The following DROSHA variants were observed in gnomAD, a reference collection of about 807,000 sequenced individuals.
The protein encoded by DROSHA is drosha ribonuclease III.
A neutral mutation model predicts 181.9 loss-of-function variants in DROSHA; 56 were observed. That is an observed-to-expected ratio of 0.31 (90% CI 0.25 to 0.38). DROSHA has a LOEUF of 0.38. DROSHA is among the 10% of genes least tolerant of loss of function. The probability of loss-of-function intolerance (pLI) is 1.00; values close to 1 mark genes in which losing one functional copy is unlikely to be tolerated. For synonymous variants in DROSHA, 524 were observed against 591.2 expected (o/e 0.89, Z 1.65); for missense variants, 1,218 against 1,743.5 (o/e 0.70, Z 5.37).
rs150440918 is a variant in DROSHA at position 31,417,435 on chromosome 5, T to C, written c.3525+3837A>G. On this transcript the variant is annotated intron_variant, in intron 30 of 35. Transcript: ENST00000344624. ...TAATCCGGCTTCTCTTTAAAAATGA[T>C]CCCTCTAGATGTGCTGAAAATTGAC... Among the ~76,000 whole-genome samples, 759 of 152,248 alleles carry C rather than the reference T, an allele frequency of 5.0e-3. 8 individuals carry two copies. Among genetic ancestry groups the C allele is most frequent in the African/African-American group, 0.017 (726 of 41,534 alleles).
At chr5:31,421,872 A>AG in intron 29 of DROSHA, 1 of 61,550 alleles carries the variant, frequency 1.6e-5, no homozygotes, top group East Asian at 1.1e-3. Flanking sequence ...CCATCTCTAC[A>AG]AAAAAAAAAA....
Position 31,515,133 on chromosome 5 carries a change from T to C in DROSHA, c.1145A>G (p.Lys382Arg). Residue 382 changes from lysine (K) to arginine (R), a missense_variant, in exon 8 of 36, where the codon AAG becomes AGG. By Grantham distance (26) the Lys-to-Arg change is conservative. This residue lies in a region of DROSHA where 536 missense variants were observed against 535.4 expected (regional missense o/e 1.00). Coordinates refer to ENST00000344624, the MANE Select transcript of DROSHA (RefSeq NM_001382508.1). ...WSDNQSSGKD[K>R]NYTSIKEKEP... Reference sequence around the variant, plus strand: ...TTTTTCCTTGATTGAGGTATAGTTCTTGTCTTTGCCAGAACTCTGGTTGTC... The same window carrying C: ...TTTTTCCTTGATTGAGGTATAGTTCCTGTCTTTGCCAGAACTCTGGTTGTC... 6.2e-7 allele frequency: 1 copy of C among 1,614,016 alleles called. No individual in the cohort carries two copies. The highest frequency in any genetic ancestry group is 8.5e-7 in the Non-Finnish European group (1 of 1,179,896).
At chr5:31,432,341 AG>A (rs1744281872) in intron 25 of DROSHA, among the ~76,000 whole-genome samples, 1 of 152,138 alleles carries the variant, frequency 6.6e-6, no homozygotes, top group Non-Finnish European at 1.5e-5. Context: ...CATGTTGGCC[AG>A]GCTGGTCTCA....
chr5:31,524,017 A>G (rs574963395), intron 5 of DROSHA, among the ~76,000 whole-genome samples: 1 of 151,088 alleles, frequency 6.6e-6, no homozygotes, highest in African/African-American at 2.4e-5. Context: ...AAACTATCAC[A>G]TGCCTATGCC....
intron 14 of DROSHA, among the ~76,000 whole-genome samples, chr5:31,485,538 C>T (rs772944454): frequency 1.3e-5 from 2 of 150,270 alleles, no homozygotes; most frequent in South Asian, 2.1e-4. Flanking sequence ...TTGTTTTGCT[C>T]GGAGTTCATA....
Position 31,495,369 on chromosome 5 carries a change from T to G in DROSHA, c.1672A>C (p.Ile558Leu). The change falls in exon 12 of 36, where the codon ATC becomes CTC. Residue 558 changes from isoleucine (I) to leucine (L), a missense_variant. By Grantham distance (5) the Ile-to-Leu change is conservative. This residue lies in a region of DROSHA where 460 missense variants were observed against 774.2 expected (regional missense o/e 0.59). Coordinates refer to ENST00000344624, the MANE Select transcript of DROSHA (RefSeq NM_001382508.1). ...TTGGTCATAGGACGACAGGGCTTGA[T>G]GGCCTGAGGGGAAAAAAACGAAAAT... Reference protein sequence around the residue: ...RHSIYPGEEAIKPCRPMTNNA... With the variant: ...RHSIYPGEEALKPCRPMTNNA... 6.2e-7 allele frequency: 1 copy of G among 1,612,976 alleles called. No individual in the cohort carries two copies. Among genetic ancestry groups the G allele is most frequent in the East Asian group, 2.2e-5 (1 of 44,872 alleles).
At position 31,526,489 on chromosome 5, in the gene DROSHA, A is replaced by T; in HGVS notation, c.444T>A (p.Pro148=). The T allele has an allele frequency of 2.9e-6, 4 of 1,380,208 alleles. No individual in the cohort carries two copies. Among genetic ancestry groups the T allele is most frequent in the Non-Finnish European group, 4.0e-6 (4 of 1,002,374 alleles). 85.5% of individuals were successfully genotyped at this position (1,380,208 alleles called of 1,614,324 possible). ...GGGGCGGGGGATGAGGCATGGAGGG[A>T]GGGGGCATCATGAAGGGGAAAGTGC... ...GQGTFPFMMP[P]PSMPHPPPPP... The change falls in exon 5 of 36, where the codon CCT becomes CCA. Residue 148 remains proline, a synonymous_variant. Coordinates refer to ENST00000344624, the MANE Select transcript of DROSHA (RefSeq NM_001382508.1).
At chr5:31,511,324 C>T in intron 8 of DROSHA, 148 bp from the exon 9 acceptor site, 1 of 757,838 alleles carries the variant, frequency 1.3e-6, no homozygotes, top group East Asian at 2.7e-5. Context: ...AAACAAAATG[C>T]TCAAGTACTG....
intron 26 of DROSHA, 141 bp downstream of exon 26, chr5:31,431,435 A>C: frequency 1.6e-6 from 1 of 617,844 alleles, no homozygotes. Flanking sequence ...CTATAATATA[A>C]GGTGGTAGGT....
chr5:31,530,691 T>C, intron 3 of DROSHA, 107 bp downstream of exon 3: 1 of 340,744 alleles, frequency 2.9e-6, no homozygotes, highest in Non-Finnish European at 5.3e-6. Flanking sequence ...TTTCTATCCA[T>C]CTATCAATCT....
chr5:31,423,764 A>G (rs1743080948), intron 28 of DROSHA, among the ~76,000 whole-genome samples: 2 of 114,652 alleles, frequency 1.7e-5, no homozygotes, highest in South Asian at 2.8e-4. Context: ...AAAAATAAGT[A>G]TATGAGGATA....
At chr5:31,451,942 A>G (rs923905246) in intron 20 of DROSHA, among the ~76,000 whole-genome samples, 1 of 152,214 alleles carries the variant, frequency 6.6e-6, no homozygotes, top group Non-Finnish European at 1.5e-5. Flanking sequence ...CACAATGAGA[A>G]TAATAAATAT....
chr5:31,495,176 A>G, intron 12 of DROSHA, 110 bp downstream of exon 12: 1 of 1,252,260 alleles, frequency 8.0e-7, no homozygotes, highest in Non-Finnish European at 1.1e-6. Context: ...TAAAAATAAA[A>G]TATTTTTCAA....
chr5:31,525,046 T>C (rs1740354141), intron 5 of DROSHA, among the ~76,000 whole-genome samples: 1 of 151,234 alleles, frequency 6.6e-6, no homozygotes. Flanking sequence ...AATACAAAAA[T>C]TAGGCCAGGC....
intron 19 of DROSHA, 108 bp from the exon 20 acceptor site, chr5:31,464,451 T>C (rs947062480): frequency 6.5e-6 from 6 of 925,832 alleles, no homozygotes; most frequent in South Asian, 1.6e-5. Context: ...TACCCCTACA[T>C]TCAGATACTC....
chr5:31,471,422 T>A (rs986227959), intron 17 of DROSHA, among the ~76,000 whole-genome samples: 2 of 152,146 alleles, frequency 1.3e-5, no homozygotes, highest in African/African-American at 4.8e-5. Flanking sequence ...AAATGTTATG[T>A]CTTTATATAA....
Position 31,437,308 on chromosome 5 carries a change from G to T in DROSHA, c.2883-10C>A. The stretch of plus-strand genomic sequence containing the variant: ...TTCATTGTGGTTAATCCTACAATAG[G>T]AATTAAAAAGGTTACTTAATACAGC... On this transcript the variant is annotated splice_polypyrimidine_tract_variant and intron_variant, in intron 23 of 35. Coordinates refer to ENST00000344624, the MANE Select transcript of DROSHA (RefSeq NM_001382508.1). 6.4e-7 allele frequency: 1 copy of T among 1,562,344 alleles called. No individual in the cohort carries two copies. The highest frequency in any genetic ancestry group is 8.7e-7 in the Non-Finnish European group (1 of 1,152,810).
intron 35 of DROSHA, among the ~76,000 whole-genome samples, chr5:31,404,035 A>G (rs1425834142): frequency 6.6e-6 from 1 of 151,554 alleles, no homozygotes; most frequent in East Asian, 1.9e-4. Context: ...CTCTGGCCTC[A>G]GCCTTCCAAG....
At chr5:31,504,434 ATT>A (rs1404186096) in intron 11 of DROSHA, 119 bp downstream of exon 11, 1 of 1,093,798 alleles carries the variant, frequency 9.1e-7, no homozygotes, top group African/African-American at 1.6e-5. Context: ...GTAAGAGACT[ATT>A]AGGGAATATG....
Sources: allele counts gnomAD v4.1 joint callset (sites outside exome capture counted in the v4.1 genomes callset), GRCh38; gene constraint gnomAD v4.1.1; regional missense constraint gnomAD v4.1.1; transcripts MANE v1.5; gene names NCBI Gene and HGNC (gene_info 2026-07-23, HGNC 2026-07-21).